The following CAMTA1 variants were observed in gnomAD, a reference collection of about 807,000 sequenced individuals.
CAMTA1 encodes calmodulin binding transcription activator 1.
Under a neutral mutation model 170.9 loss-of-function variants are expected in CAMTA1, and 27 were observed. That is an observed-to-expected ratio of 0.16 (90% confidence interval 0.12 to 0.22). The LOEUF (loss-of-function observed/expected upper bound fraction) is 0.22, where lower values mean the gene tolerates loss of function less well. Among genes scored for constraint, CAMTA1 ranks in the 10% least tolerant of loss-of-function variants. The pLI is 1.00. For missense variants in CAMTA1, 1,619 were observed against 2,217.2 expected, an observed-to-expected ratio of 0.73 and a Z score of 5.42; for synonymous variants, 833 against 891.5, an observed-to-expected ratio of 0.93 and a Z score of 1.17.
chr1:7,310,640 CTTT>C (rs1557490300), intron 5 of CAMTA1, among the ~76,000 whole-genome samples: 22 of 35,790 alleles, frequency 6.1e-4, no homozygotes, highest in South Asian at 2.1e-3. Context: ...TTCTTTCTTT[CTTT>C]CTTTTTTCTT....
chr1:7,398,189 C>CTATATA (rs2089549485), intron 5 of CAMTA1, among the ~76,000 whole-genome samples: 5 of 32,316 alleles, frequency 1.5e-4, no homozygotes, highest in African/African-American at 2.7e-4. Flanking sequence ...CTCTCTCTCT[C>CTATATA]TCTCTATATA....
At chr1:7,111,666 A>G (rs1242187087) in intron 4 of CAMTA1, among the ~76,000 whole-genome samples, 1 of 152,162 alleles carries the variant, frequency 6.6e-6, no homozygotes, top group Non-Finnish European at 1.5e-5. Flanking sequence ...TGGGCAGATC[A>G]CGAGGTCAGG....
intron 17 of CAMTA1, 49 bp from the exon 18 acceptor site, chr1:7,745,796 G>A (rs767663185): frequency 1.2e-6 from 2 of 1,609,688 alleles, no homozygotes; most frequent in Middle Eastern, 1.7e-4. Flanking sequence ...CTAATGGGTG[G>A]TGCAAATCAA....
chr1:7,103,600 T>G (rs1040122388), intron 4 of CAMTA1, among the ~76,000 whole-genome samples: 1 of 121,860 alleles, frequency 8.2e-6, no homozygotes, highest in East Asian at 2.5e-4. Flanking sequence ...ACAACACACA[T>G]GTACACAACT....
intron 7 of CAMTA1, among the ~76,000 whole-genome samples, chr1:7,646,802 T>C (rs1374159480): frequency 7.2e-5 from 11 of 151,864 alleles, no homozygotes; most frequent in Admixed American, 7.2e-4. Context: ...TGAGTGTGAA[T>C]GGAGGCCCTG....
intron 5 of CAMTA1, among the ~76,000 whole-genome samples, chr1:7,377,228 G>A (rs1270018350): frequency 1.3e-5 from 2 of 152,184 alleles, no homozygotes; most frequent in East Asian, 3.9e-4. Context: ...AAAAGCGCAA[G>A]GCACTGGGAA....
intron 1 of CAMTA1, among the ~76,000 whole-genome samples, chr1:6,803,424 G>T (rs569171098): frequency 3.9e-5 from 6 of 152,292 alleles, no homozygotes; most frequent in Non-Finnish European, 7.4e-5. Context: ...ATCTCTTGTT[G>T]TTCTTGATTT....
At position 7,426,021 on chromosome 1, in the gene CAMTA1, T is replaced by G. The variant is rs1243785726; in HGVS notation, c.439-41809T>G. On this transcript the variant is annotated intron_variant, in intron 5 of 22. Transcript: ENST00000303635. The surrounding 1 kb of genome is among the most constrained non-coding windows in gnomAD (Gnocchi z 4.8). ...AGGCTGCAGTGACTGGCACTACACA[T>G]GCTTGAGATCACAGGTGAGCTGCGG... Among the ~76,000 whole-genome samples, 3 of 152,252 alleles carry G rather than the reference T, an allele frequency of 2.0e-5. No homozygotes were observed. The highest frequency in any genetic ancestry group is 7.2e-5 in the African/African-American group (3 of 41,542).
intron 4 of CAMTA1, among the ~76,000 whole-genome samples, chr1:7,110,990 G>T (rs6660125): frequency 6.6e-6 from 1 of 152,026 alleles, no homozygotes; most frequent in Non-Finnish European, 1.5e-5. Context: ...GAAGGGCTGC[G>T]CTCCTTCTGG....
In CAMTA1 at chr1:7,492,786, A is replaced by C. The variant is rs12751964; in HGVS notation, c.510+24885A>C. On this transcript the variant is annotated intron_variant, in intron 6 of 22. Transcript: ENST00000303635. Reference sequence around the variant, plus strand: ...ACCTACATACACAAGTGCACACACAAACACAAACCTACGTATACACATGCG... The same window carrying C: ...ACCTACATACACAAGTGCACACACACACACAAACCTACGTATACACATGCG... Among the ~76,000 whole-genome samples, 128 of 97,968 alleles carry C rather than the reference A, an allele frequency of 1.3e-3. 1 individual carries two copies. The highest frequency in any genetic ancestry group is 5.0e-3 in the African/African-American group (108 of 21,434). The allele number at this position is 97,968 out of a possible 152,430, so 64.3% of individuals were successfully genotyped here. A position where few individuals can be genotyped will look rare whatever the true frequency, so the allele number is the denominator to read the frequency against.
intron 5 of CAMTA1, among the ~76,000 whole-genome samples, chr1:7,372,477 G>A (rs1371110438): frequency 6.6e-6 from 1 of 152,208 alleles, no homozygotes; most frequent in Non-Finnish European, 1.5e-5. Flanking sequence ...CGAGCTGCAC[G>A]TCTTTCCTGG....
rs151187402 is a variant in CAMTA1, at chr1:7,033,817, C to T, written c.235-57487C>T. On this transcript the variant is annotated intron_variant, in intron 3 of 22. Transcript: ENST00000303635. The stretch of plus-strand genomic sequence containing the variant: ...CCATGTTGGCCAGGCTGGTCTCAAA[C>T]GCCTGACCCCAAGTGATCCACCCCC... Among the ~76,000 whole-genome samples the T allele has an allele frequency of 8.8e-3, 1,334 of 152,104 alleles. 6 individuals are homozygous for T. Among genetic ancestry groups the T allele is most frequent in the South Asian group, 0.021 (99 of 4,812 alleles).
intron 5 of CAMTA1, among the ~76,000 whole-genome samples, chr1:7,385,954 T>G (rs1235218185): frequency 6.6e-6 from 1 of 152,210 alleles, no homozygotes; most frequent in Non-Finnish European, 1.5e-5. Flanking sequence ...TGTGAGGGCC[T>G]CTGGGCACCT....
chr1:7,088,835 A>C (rs1019426373), intron 3 of CAMTA1, among the ~76,000 whole-genome samples: 1 of 152,226 alleles, frequency 6.6e-6, no homozygotes, highest in Non-Finnish European at 1.5e-5. Flanking sequence ...CAGGTAGATA[A>C]GCTGATGCAC....
intron 6 of CAMTA1, among the ~76,000 whole-genome samples, chr1:7,606,406 G>A (rs149603896): frequency 8.1e-4 from 123 of 152,278 alleles, no homozygotes; most frequent in Non-Finnish European, 1.3e-3. Context: ...ATCAATTCTC[G>A]TGCTTTTATC....
At chr1:7,222,695 C>T (rs1405994021) in intron 4 of CAMTA1, among the ~76,000 whole-genome samples, 2 of 152,228 alleles carry the variant, frequency 1.3e-5, no homozygotes, top group African/African-American at 4.8e-5. Context: ...GGAGCACGCT[C>T]TCTTCTTTCC....
At chr1:7,489,343 G>T (rs556346789) in intron 6 of CAMTA1, among the ~76,000 whole-genome samples, 54 of 152,358 alleles carry the variant, frequency 3.5e-4, no homozygotes, top group Non-Finnish European at 6.2e-4. Context: ...GAGGGTCTTT[G>T]CAGGGGAAGG....
intron 5 of CAMTA1, among the ~76,000 whole-genome samples, chr1:7,282,694 C>T (rs1200183395): frequency 6.6e-6 from 1 of 152,096 alleles, no homozygotes; most frequent in Non-Finnish European, 1.5e-5. Context: ...GTTGGGGCTG[C>T]CCTCCCTCAG....
At chr1:7,377,568 G>A (rs1165380041) in intron 5 of CAMTA1, among the ~76,000 whole-genome samples, 3 of 152,222 alleles carry the variant, frequency 2.0e-5, no homozygotes, top group Non-Finnish European at 4.4e-5. Context: ...CTGACCTCCT[G>A]AACCAATCAC....
Sources: gnomAD v4.1 joint callset for allele counts (sites outside exome capture counted in the v4.1 genomes callset) on GRCh38, gnomAD v4.1.1 for gene constraint, Gnocchi (gnomAD v3.1) non-coding constraint, MANE v1.5 for transcripts, NCBI Gene and HGNC (gene_info 2026-07-23, HGNC 2026-07-21) for gene names.